PKHD1: variants seen among roughly 807,000 people sequenced by gnomAD.
PKHD1 encodes fibrocystin.
PKHD1 carries 291 observed loss-of-function variants against 412.0 expected under a neutral mutation model. The observed-to-expected ratio is 0.71, with a 90% CI of 0.64 to 0.78. The LOEUF (loss-of-function observed/expected upper bound fraction) is 0.78, where lower values mean the gene tolerates loss of function less well. Ranked by LOEUF, PKHD1 falls within the 30% of genes least tolerant of loss-of-function variation. PKHD1 has a pLI of 0.00. For synonymous variants in PKHD1, 1,777 were observed against 1,821.5 expected (o/e 0.98, Z 0.62); for missense variants, 4,825 against 4,950.7 (o/e 0.97, Z 0.76).
rs146536074 is a variant in PKHD1 at position 51,927,128 on chromosome 6, C to G, written c.6121+6982G>C. On this transcript the variant is annotated intron_variant, in intron 37 of 66. Coordinates refer to ENST00000371117, the MANE Select transcript of PKHD1 (RefSeq NM_138694.4). ...CTCATCCTCCTTTCTCCATTCTTCC[C>G]CTCTATTTAATCCTCCTTCCTTCCC... Among the ~76,000 whole-genome samples, 253 of 152,144 alleles carry G rather than the reference C, an allele frequency of 1.7e-3. 2 individuals are homozygous for G. Among genetic ancestry groups the G allele is most frequent in the African/African-American group, 5.6e-3 (231 of 41,534 alleles).
intron 55 of PKHD1, among the ~76,000 whole-genome samples, chr6:51,771,225 T>G (rs201759151): frequency 7.4e-6 from 1 of 135,172 alleles, no homozygotes; most frequent in Non-Finnish European, 1.7e-5. Context: ...CACACACACA[T>G]GCACATAACC....
intron 29 of PKHD1, among the ~76,000 whole-genome samples, chr6:52,029,844 C>T (rs553364306): frequency 8.5e-5 from 13 of 152,222 alleles, no homozygotes; most frequent in South Asian, 2.1e-4. Context: ...ACTCAGTGGA[C>T]GGCAGTGACC....
rs45517932 is a variant in PKHD1 at position 52,024,685 on chromosome 6, G to A, written c.5125C>T (p.Leu1709Phe). Residue 1709 changes from leucine (L) to phenylalanine (F), a missense_variant, in exon 32 of 67, where the codon CTT becomes TTT. By Grantham distance (22) the Leu-to-Phe change is conservative (BLOSUM62 0). Transcript: ENST00000371117. ...CTGACGTGGTACTCCCCGGCCGGAAGGGAAGGGACCACGCACTGAAGAACG... is the reference window on the plus strand; with the variant it reads ...CTGACGTGGTACTCCCCGGCCGGAAAGGAAGGGACCACGCACTGAAGAACG... Reference protein sequence around the residue: ...HTVLQCVVPSLPAGEYHVRGY... With the variant: ...HTVLQCVVPSFPAGEYHVRGY... 9,657 of 1,614,206 alleles carry A rather than the reference G, an allele frequency of 6.0e-3. 43 individuals carry two copies. The highest frequency in any genetic ancestry group is 7.6e-3 in the Non-Finnish European group (9,000 of 1,180,022).
chr6:51,749,685 G>A (rs1407515020), intron 57 of PKHD1, among the ~76,000 whole-genome samples: 1 of 152,124 alleles, frequency 6.6e-6, no homozygotes, highest in Non-Finnish European at 1.5e-5. Flanking sequence ...GGAAATTGAG[G>A]CAGAGAAGAG....
intron 60 of PKHD1, among the ~76,000 whole-genome samples, chr6:51,711,439 T>C (rs931111616): frequency 4.6e-5 from 7 of 152,238 alleles, no homozygotes; most frequent in Non-Finnish European, 8.8e-5. Context: ...TCTCTATCCC[T>C]GAGCTTTATG....
At chr6:51,958,824 CACACACACACACACAA>C (rs1462088087) in intron 36 of PKHD1, among the ~76,000 whole-genome samples, 2 of 151,622 alleles carry the variant, frequency 1.3e-5, no homozygotes, top group East Asian at 3.9e-4. Flanking sequence ...TACACACACA[CACACACACACACACAA>C]ACACACACAC....
At chr6:52,005,512 T>C (rs767331342) in intron 35 of PKHD1, among the ~76,000 whole-genome samples, 5 of 152,176 alleles carry the variant, frequency 3.3e-5, no homozygotes, top group Non-Finnish European at 7.4e-5. Flanking sequence ...GCCTTTCCTC[T>C]GCATGCTGAA....
intron 63 of PKHD1, among the ~76,000 whole-genome samples, chr6:51,640,419 C>T (rs1043299820): frequency 2.0e-5 from 3 of 152,170 alleles, no homozygotes; most frequent in African/African-American, 4.8e-5. Context: ...AGATTTGAAG[C>T]ATATGTGCTC....
intron 60 of PKHD1, among the ~76,000 whole-genome samples, chr6:51,705,071 A>G (rs1779857995): frequency 6.6e-6 from 1 of 152,132 alleles, no homozygotes; most frequent in South Asian, 2.1e-4. Flanking sequence ...TTGTTTGCAT[A>G]GTAGAGTATT....
intron 33 of PKHD1, 56 bp downstream of exon 33, chr6:52,022,742 AAAG>A: frequency 6.4e-7 from 1 of 1,566,882 alleles, no homozygotes; most frequent in South Asian, 1.1e-5. Context: ...AGAATTAACC[AAAG>A]AATATCATTT....
chr6:51,648,961 G>A (rs530900280), intron 62 of PKHD1, 124 bp downstream of exon 62: 2 of 896,228 alleles, frequency 2.2e-6, no homozygotes, highest in African/African-American at 3.2e-5. Flanking sequence ...AGCTCTAAGT[G>A]CAACAAATTG....
chr6:51,792,892 C>T (rs1169482738), intron 52 of PKHD1, among the ~76,000 whole-genome samples: 1 of 152,234 alleles, frequency 6.6e-6, no homozygotes, highest in Admixed American at 6.5e-5. Context: ...TACTGAGACA[C>T]ATTATTCAAA....
At chr6:51,767,641 T>A (rs981959603) in intron 55 of PKHD1, among the ~76,000 whole-genome samples, 1 of 152,172 alleles carries the variant, frequency 6.6e-6, no homozygotes, top group Admixed American at 6.5e-5. Context: ...ACAAAGGACA[T>A]GAACTCATCA....
At chr6:51,797,992 A>T (rs1251108822) in intron 52 of PKHD1, among the ~76,000 whole-genome samples, 1 of 152,158 alleles carries the variant, frequency 6.6e-6, no homozygotes, top group Non-Finnish European at 1.5e-5. Context: ...TGTAAGGCAG[A>T]TCTGGTGGTG....
chr6:52,047,232 T>C (rs964543123), intron 23 of PKHD1, among the ~76,000 whole-genome samples: 2 of 152,138 alleles, frequency 1.3e-5, no homozygotes, highest in Admixed American at 6.5e-5. Context: ...AGCACAGTAA[T>C]GAGCCTCATA....
chr6:51,922,167 C>T (rs1049831277), intron 37 of PKHD1, among the ~76,000 whole-genome samples: 14 of 152,130 alleles, frequency 9.2e-5, no homozygotes, highest in Non-Finnish European at 1.9e-4. Flanking sequence ...GTTAGTTTTC[C>T]TTCTATCAGT....
At chr6:51,625,124 T>C (rs921045715) in intron 66 of PKHD1, among the ~76,000 whole-genome samples, 1 of 152,180 alleles carries the variant, frequency 6.6e-6, no homozygotes, top group African/African-American at 2.4e-5. Flanking sequence ...AAAGCTGTAA[T>C]GTGGTAAATT....
intron 52 of PKHD1, among the ~76,000 whole-genome samples, chr6:51,824,881 A>G (rs2151477671): frequency 1.3e-5 from 2 of 152,298 alleles, no homozygotes; most frequent in South Asian, 4.1e-4. Context: ...GAGCAATTCC[A>G]AATTGGGGGC....
intron 55 of PKHD1, among the ~76,000 whole-genome samples, chr6:51,763,206 C>T (rs1788343511): frequency 6.6e-6 from 1 of 152,046 alleles, no homozygotes; most frequent in Non-Finnish European, 1.5e-5. Flanking sequence ...CTTCTCCAGC[C>T]TCAGTTTTCA....
Sources: gnomAD v4.1 joint callset for allele counts (sites outside exome capture counted in the v4.1 genomes callset) on GRCh38, gnomAD v4.1.1 for gene constraint, MANE v1.5 for transcripts, NCBI Gene and HGNC (gene_info 2026-07-23, HGNC 2026-07-21) for gene names.